The following CACNA1C variants were observed in gnomAD, a reference collection of about 807,000 sequenced individuals.
CACNA1C encodes voltage-dependent L-type calcium channel subunit alpha-1C.
CACNA1C carries 30 observed loss-of-function variants against 229.0 expected under a neutral mutation model. That is an observed-to-expected ratio of 0.13 (90% CI 0.10 to 0.18). The LOEUF is 0.18. Ranked by LOEUF, CACNA1C falls within the 10% of genes least tolerant of loss-of-function variation. The pLI is 1.00. For missense variants in CACNA1C, 1,658 were observed against 2,845.0 expected, an observed-to-expected ratio of 0.58 and a Z score of 9.49; for synonymous variants, 1,114 against 1,132.5, an observed-to-expected ratio of 0.98 and a Z score of 0.33.
At chr12:2,165,154 T>C (rs1566085079) in intron 3 of CACNA1C, among the ~76,000 whole-genome samples, 2 of 152,108 alleles carry the variant, frequency 1.3e-5, no homozygotes, top group Admixed American at 1.3e-4. Flanking sequence ...CTCTCTAGAG[T>C]CTTAGGTTTC....
At chr12:2,237,539 A>G (rs1261172911) in intron 3 of CACNA1C, among the ~76,000 whole-genome samples, 1 of 152,206 alleles carries the variant, frequency 6.6e-6, no homozygotes, top group Non-Finnish European at 1.5e-5. Context: ...CAGCTTTCAG[A>G]TTTGGAGATG....
At chr12:2,487,613 C>G (rs1223704162) in intron 6 of CACNA1C, among the ~76,000 whole-genome samples, 2 of 151,614 alleles carry the variant, frequency 1.3e-5, no homozygotes, top group Non-Finnish European at 2.9e-5. Flanking sequence ...GTCTGTTTAA[C>G]AGGAGACTGT....
chr12:2,069,602 T>C (rs1308992045), intron 1 of CACNA1C, among the ~76,000 whole-genome samples: 1 of 152,252 alleles, frequency 6.6e-6, no homozygotes, highest in African/African-American at 2.4e-5. Flanking sequence ...TGGCATTTTG[T>C]TCGAACCATT....
At position 2,232,348 on chromosome 12, in the gene CACNA1C, G is replaced by T. The variant is rs76819173; in HGVS notation, c.477+111918G>T. On this transcript the variant is annotated intron_variant, in intron 3 of 46. Coordinates refer to ENST00000399655, the MANE Select transcript of CACNA1C (RefSeq NM_000719.7). ...GTCTCTTAATCTGGGTTTGTCTGAT[G>T]TTTACTCATGATTAGATGGAGGGTA... Among the ~76,000 whole-genome samples the T allele has an allele frequency of 1.8e-4, 26 of 146,998 alleles. No homozygotes were observed. The East Asian group carries it at 4.4e-3, about 25-fold the overall frequency.
At chr12:2,383,942 T>A (rs914615919) in intron 3 of CACNA1C, among the ~76,000 whole-genome samples, 1 of 152,224 alleles carries the variant, frequency 6.6e-6, no homozygotes. Context: ...CTTCCCTTTC[T>A]GCCAAAGGTG....
rs776451676 is a variant in CACNA1C at position 2,463,769 on chromosome 12, T to G, written c.757+6063T>G. ...GTGAAAATCAGATTGGCTCTTCCAA[T>G]GGGGTTCTGTGTAGTTGAAAGATTT... On this transcript the variant is annotated intron_variant, in intron 5 of 46. Transcript: ENST00000399655. Among the ~76,000 whole-genome samples, 51 of 152,160 alleles carry G rather than the reference T, an allele frequency of 3.4e-4. 1 individual carries two copies. Among genetic ancestry groups the G allele is most frequent in the Non-Finnish European group, 7.3e-5 (5 of 68,030 alleles).
chr12:2,090,561 G>T (rs933099540), intron 1 of CACNA1C, among the ~76,000 whole-genome samples: 3 of 152,018 alleles, frequency 2.0e-5, no homozygotes, highest in African/African-American at 7.3e-5. Context: ...CAAGTGATCT[G>T]CTCGCCTTGG....
rs1569286591 is a variant in CACNA1C at position 2,688,658 on chromosome 12, CCCCCGGTGG to C, written c.5998_6006del (p.Pro2000_Gly2002del). ...CACTGCGGCTCCTGGGCTGAGACCACCCCCGGTGGCGGGGGCAGCAGCGCCGCCCGGAGA... is the reference window on the plus strand; with the variant it reads ...CACTGCGGCTCCTGGGCTGAGACCACCGGGGGCAGCAGCGCCGCCCGGAGA... On this transcript the variant is annotated inframe_deletion, in exon 46 of 47. Coordinates refer to ENST00000399655, the MANE Select transcript of CACNA1C (RefSeq NM_000719.7). 3 of 1,613,518 alleles carry C rather than the reference CCCCCGGTGG, an allele frequency of 1.9e-6. No homozygotes were observed. In the African/African-American group the frequency reaches 4.0e-5, roughly 22 times the overall value.
chr12:2,643,320 T>C (rs2093954265), intron 30 of CACNA1C, among the ~76,000 whole-genome samples: 2 of 152,196 alleles, frequency 1.3e-5, no homozygotes, highest in Admixed American at 1.3e-4. Context: ...TCCTGGTGCG[T>C]TCCCTGCCCT....
In CACNA1C at chr12:2,651,009, C is replaced by G. The variant is rs1224629814; in HGVS notation, c.3946-631C>G. 1 of 152,660 alleles carries G rather than the reference C, an allele frequency of 6.6e-6. No homozygotes were observed. Among genetic ancestry groups the G allele is most frequent in the East Asian group, 1.9e-4 (1 of 5,192 alleles). 9.5% of individuals were successfully genotyped at this position (152,660 alleles called of 1,614,324 possible). ...ACCCTCTCCAGCACTGAGTAGCACC[C>G]GTAATCCCTCCCTTTGGGACAGGGG... On this transcript the variant is annotated intron_variant, in intron 31 of 46. Transcript: ENST00000399655. This position sits in a 1 kb window ranked among gnomAD's most constrained non-coding sequence, Gnocchi z 5.4.
chr12:2,039,460 T>C (rs948164658), intron 1 of CACNA1C, among the ~76,000 whole-genome samples: 1 of 152,224 alleles, frequency 6.6e-6, no homozygotes, highest in Non-Finnish European at 1.5e-5. Flanking sequence ...ACAGGATAGA[T>C]AGAGCAATCA....
In CACNA1C at chr12:2,666,837, C is replaced by A; in HGVS notation, c.4623+55C>A. 3 of 1,048,504 alleles carry A rather than the reference C, an allele frequency of 2.9e-6. No homozygotes were observed. The highest frequency in any genetic ancestry group is 4.3e-6 in the Non-Finnish European group (3 of 690,344). 65.0% of individuals were successfully genotyped at this position (1,048,504 alleles called of 1,614,324 possible). On this transcript the variant is annotated intron_variant, in intron 37 of 46. Transcript: ENST00000399655. The surrounding 1 kb of genome is among the most constrained non-coding windows in gnomAD (Gnocchi z 5.3). ...GAGGGAAAATAGGGGAAGTGAAGTGCCCATTTCTTGTGATCCTTTAAGGGA... is the reference window on the plus strand; with the variant it reads ...GAGGGAAAATAGGGGAAGTGAAGTGACCATTTCTTGTGATCCTTTAAGGGA...
At chr12:2,088,785 T>TTC (rs990819576) in intron 1 of CACNA1C, among the ~76,000 whole-genome samples, 1 of 152,054 alleles carries the variant, frequency 6.6e-6, no homozygotes, top group Non-Finnish European at 1.5e-5. Flanking sequence ...CAGCTTACGT[T>TTC]AAGAGATGAC....
chr12:2,396,176 T>C (rs1310107314), intron 3 of CACNA1C, among the ~76,000 whole-genome samples: 1 of 152,078 alleles, frequency 6.6e-6, no homozygotes, highest in East Asian at 1.9e-4. Flanking sequence ...GGGTGCTGGG[T>C]TATTTCCTGG....
At chr12:2,005,319 G>C (rs1217820930) in intron 1 of CACNA1C, among the ~76,000 whole-genome samples, 3 of 151,850 alleles carry the variant, frequency 2.0e-5, no homozygotes, top group Non-Finnish European at 4.4e-5. Flanking sequence ...AATGAAGTGT[G>C]TCATATTTGT....
At chr12:2,230,294 C>T (rs965275917) in intron 3 of CACNA1C, among the ~76,000 whole-genome samples, 1 of 152,142 alleles carries the variant, frequency 6.6e-6, no homozygotes, top group Non-Finnish European at 1.5e-5. Flanking sequence ...CGCCGGGCTG[C>T]GGCTGAGCCG....
At chr12:2,005,764 A>G (rs1201378433) in intron 1 of CACNA1C, among the ~76,000 whole-genome samples, 2 of 152,268 alleles carry the variant, frequency 1.3e-5, no homozygotes, top group Admixed American at 6.5e-5. Flanking sequence ...AATCATGCAC[A>G]GGCAAAAGAT....
chr12:2,448,376 A>G (rs2099320226), intron 3 of CACNA1C, among the ~76,000 whole-genome samples: 2 of 152,124 alleles, frequency 1.3e-5, no homozygotes, highest in South Asian at 4.1e-4. Context: ...TTTTCTCAAG[A>G]AAGAGATTTC....
intron 3 of CACNA1C, among the ~76,000 whole-genome samples, chr12:2,338,191 GT>G (rs1458463739): frequency 6.6e-6 from 1 of 152,116 alleles, no homozygotes; most frequent in African/African-American, 2.4e-5. Flanking sequence ...AGGGCAACTC[GT>G]TTTTTAACTA....
Sources: allele counts gnomAD v4.1 joint callset (sites outside exome capture counted in the v4.1 genomes callset), GRCh38; gene constraint gnomAD v4.1.1; non-coding constraint Gnocchi (gnomAD v3.1); transcripts MANE v1.5; gene names NCBI Gene and HGNC (gene_info 2026-07-23, HGNC 2026-07-21).